Variants in ADGRB3 observed in about 807,000 individuals in gnomAD.
The protein encoded by ADGRB3 is brain-specific angiogenesis inhibitor 3.
ADGRB3 carries 37 observed loss-of-function variants against 193.4 expected under a neutral mutation model. The observed-to-expected ratio is 0.19, with a 90% CI of 0.15 to 0.25. ADGRB3 has a LOEUF of 0.25. Ranked by LOEUF, ADGRB3 falls within the 10% of genes least tolerant of loss-of-function variation. The probability of loss-of-function intolerance (pLI) is 1.00; values close to 1 mark genes in which losing one functional copy is unlikely to be tolerated. For missense variants in ADGRB3, 1,637 were observed against 1,852.9 expected, an observed-to-expected ratio of 0.88 and a Z score of 2.14; for synonymous variants, 690 against 644.2, an observed-to-expected ratio of 1.07 and a Z score of -1.08.
chr6:68,879,705 C>A (rs1048313628), intron 3 of ADGRB3, among the ~76,000 whole-genome samples: 1 of 152,110 alleles, frequency 6.6e-6, no homozygotes, highest in African/African-American at 2.4e-5. Context: ...GAGTCACACC[C>A]CCATACCTGA....
At chr6:68,702,932 T>C (rs1020467463) in intron 3 of ADGRB3, among the ~76,000 whole-genome samples, 6 of 152,220 alleles carry the variant, frequency 3.9e-5, no homozygotes, top group African/African-American at 1.4e-4. Context: ...CATGTGACTT[T>C]TGGCCATTAT....
chr6:69,170,662 T>C (rs1775249025), intron 17 of ADGRB3, among the ~76,000 whole-genome samples: 1 of 152,222 alleles, frequency 6.6e-6, no homozygotes, highest in African/African-American at 2.4e-5. Context: ...AAAGGTGTTC[T>C]CTGCCGTAAA....
intron 16 of ADGRB3, among the ~76,000 whole-genome samples, chr6:69,063,408 A>T (rs1468521397): frequency 6.6e-6 from 1 of 152,060 alleles, no homozygotes; most frequent in Non-Finnish European, 1.5e-5. Flanking sequence ...AAAGCCTGTT[A>T]ACTGTAGTGG....
intron 3 of ADGRB3, among the ~76,000 whole-genome samples, chr6:68,828,731 C>T (rs1241296544): frequency 6.6e-6 from 1 of 152,122 alleles, no homozygotes; most frequent in Non-Finnish European, 1.5e-5. Flanking sequence ...GGAACATAAG[C>T]TACTCAATCA....
intron 3 of ADGRB3, among the ~76,000 whole-genome samples, chr6:68,901,319 C>T (rs1164784179): frequency 6.6e-6 from 1 of 152,122 alleles, no homozygotes; most frequent in East Asian, 1.9e-4. Context: ...GCAACATGGG[C>T]CTCTCCATAG....
At chr6:69,196,664 A>G (rs1409923950) in intron 17 of ADGRB3, among the ~76,000 whole-genome samples, 1 of 152,106 alleles carries the variant, frequency 6.6e-6, no homozygotes, top group Non-Finnish European at 1.5e-5. Flanking sequence ...TAAAAATCTT[A>G]TCTCCAAAAT....
At chr6:68,781,515 C>G (rs879686653) in intron 3 of ADGRB3, among the ~76,000 whole-genome samples, 2 of 152,098 alleles carry the variant, frequency 1.3e-5, no homozygotes, top group African/African-American at 4.8e-5. Flanking sequence ...TTTGTCCCTA[C>G]TTAAACTTTG....
chr6:68,802,752 G>A (rs552298081), intron 3 of ADGRB3, among the ~76,000 whole-genome samples: 11 of 152,208 alleles, frequency 7.2e-5, no homozygotes, highest in Admixed American at 5.9e-4. Flanking sequence ...TTCATCATGG[G>A]AACCCAAGGA....
At chr6:68,656,168 C>G (rs1481285390) in intron 3 of ADGRB3, among the ~76,000 whole-genome samples, 1 of 151,546 alleles carries the variant, frequency 6.6e-6, no homozygotes, top group Non-Finnish European at 1.5e-5. Context: ...AATCCATATT[C>G]TATTTTTTAA....
intron 24 of ADGRB3, among the ~76,000 whole-genome samples, chr6:69,333,535 A>T (rs780444032): frequency 2.0e-5 from 3 of 152,138 alleles, no homozygotes; most frequent in Non-Finnish European, 2.9e-5. Flanking sequence ...TTTTTAATCT[A>T]ACTGGCTAAA....
Position 69,361,275 on chromosome 6 carries a change from C to CT in ADGRB3, c.4004dup (p.Leu1335PhefsTer4). ...GCAAAATGAATATTGGCATGGAAAC[C>CT]TTGCCGCATGAAAGGCTATTGCACT... On this transcript the variant is annotated frameshift_variant, in exon 29 of 32. Coordinates refer to ENST00000370598, the MANE Select transcript of ADGRB3 (RefSeq NM_001704.3). LOFTEE classifies it high-confidence loss of function. 6.2e-7 allele frequency: 1 copy of CT among 1,612,784 alleles called. No individual in the cohort carries two copies. The highest frequency in any genetic ancestry group is 8.5e-7 in the Non-Finnish European group (1 of 1,179,262).
intron 3 of ADGRB3, among the ~76,000 whole-genome samples, chr6:68,872,285 T>C (rs1765483175): frequency 6.6e-6 from 1 of 152,140 alleles, no homozygotes; most frequent in Admixed American, 6.5e-5. Flanking sequence ...CCTGCAGAAA[T>C]ACTGTGTAGT....
chr6:68,656,745 C>T (rs971655388), intron 3 of ADGRB3, among the ~76,000 whole-genome samples: 10 of 151,526 alleles, frequency 6.6e-5, no homozygotes, highest in Admixed American at 2.0e-4. Context: ...CAATGAGTTT[C>T]GGCTTCATAT....
chr6:69,076,897 A>T (rs546041202), intron 17 of ADGRB3, among the ~76,000 whole-genome samples: 1 of 152,010 alleles, frequency 6.6e-6, no homozygotes, highest in Non-Finnish European at 1.5e-5. Context: ...TTCACCCCTG[A>T]TATGATCTAC....
At chr6:68,861,538 G>T (rs965969177) in intron 3 of ADGRB3, among the ~76,000 whole-genome samples, 3 of 151,866 alleles carry the variant, frequency 2.0e-5, no homozygotes, top group Non-Finnish European at 4.4e-5. Flanking sequence ...CTCCAGCCTG[G>T]GCAACAGAGC....
chr6:68,759,371 A>T (rs1234811292), intron 3 of ADGRB3, among the ~76,000 whole-genome samples: 1 of 152,104 alleles, frequency 6.6e-6, no homozygotes, highest in African/African-American at 2.4e-5. Context: ...TAGTTTTGAG[A>T]ACTTTTTTCT....
intron 17 of ADGRB3, among the ~76,000 whole-genome samples, chr6:69,177,445 C>T (rs1775458828): frequency 6.6e-6 from 1 of 152,068 alleles, no homozygotes; most frequent in Non-Finnish European, 1.5e-5. Context: ...CAAGCTCTGC[C>T]TCCCGGGTTC....
intron 13 of ADGRB3, among the ~76,000 whole-genome samples, chr6:69,030,820 GTTTTC>G (rs1348682386): frequency 6.6e-6 from 1 of 152,082 alleles, no homozygotes; most frequent in South Asian, 2.1e-4. Flanking sequence ...TTGGGTTTGA[GTTTTC>G]TTTTCTTTTT....
At chr6:69,098,634 A>G (rs889812677) in intron 17 of ADGRB3, among the ~76,000 whole-genome samples, 1 of 152,192 alleles carries the variant, frequency 6.6e-6, no homozygotes, top group Admixed American at 6.5e-5. Flanking sequence ...CAAGGGAGAA[A>G]TAACACCCCA....
Sources: gnomAD v4.1 joint callset for allele counts (sites outside exome capture counted in the v4.1 genomes callset) on GRCh38, gnomAD v4.1.1 for gene constraint, MANE v1.5 for transcripts, NCBI Gene and HGNC (gene_info 2026-07-23, HGNC 2026-07-21) for gene names.